SOX5: variants seen among roughly 807,000 people sequenced by gnomAD.
The protein encoded by SOX5 is transcription factor SOX-5.
A neutral mutation model predicts 92.0 loss-of-function variants in SOX5; 9 were observed. That is an observed-to-expected ratio of 0.10 (90% CI 0.06 to 0.17). The LOEUF (loss-of-function observed/expected upper bound fraction) is 0.17. SOX5 is among the 10% of genes least tolerant of loss of function. SOX5 has a pLI of 1.00. For missense variants in SOX5, 642 were observed against 944.5 expected (o/e 0.68, Z 4.20); for synonymous variants, 344 against 336.3 (o/e 1.02, Z -0.25).
intron 1 of SOX5, among the ~76,000 whole-genome samples, chr12:24,414,958 A>G (rs1379906972): frequency 5.3e-5 from 8 of 152,164 alleles, no homozygotes; most frequent in African/African-American, 1.9e-4. Flanking sequence ...TCTATAGCCA[A>G]TGCAAATTAT....
At chr12:23,806,945 C>G (rs1841662169) in intron 3 of SOX5, among the ~76,000 whole-genome samples, 1 of 152,110 alleles carries the variant, frequency 6.6e-6, no homozygotes, top group Non-Finnish European at 1.5e-5. Context: ...AATCTTTTCA[C>G]CTCCCTTTCA....
At chr12:24,255,363 A>C (rs1181491922) in intron 3 of SOX5, among the ~76,000 whole-genome samples, 1 of 152,188 alleles carries the variant, frequency 6.6e-6, no homozygotes, top group East Asian at 1.9e-4. Context: ...TATTGGGTCC[A>C]ACATAATTGA....
At position 24,198,129 on chromosome 12, in the gene SOX5, C is replaced by T. The variant is rs568574076; in HGVS notation, c.-2+15214G>A. Among the ~76,000 whole-genome samples the T allele has an allele frequency of 2.2e-4, 33 of 152,174 alleles. 1 individual carries two copies. The highest frequency in any genetic ancestry group is 7.9e-4 in the African/African-American group (33 of 41,526). ...TGCTACTCACACTATAAGAGAGCAG[C>T]CCATCCATCGTTCAAAACTAGGCAA... On this transcript the variant is annotated intron_variant, in intron 4 of 4. Coordinates refer to the SOX5 transcript ENST00000446891.
chr12:23,842,676 AATC>A (rs1259507412), intron 3 of SOX5, among the ~76,000 whole-genome samples: 8 of 152,210 alleles, frequency 5.3e-5, no homozygotes, highest in African/African-American at 1.4e-4. Context: ...TAATAATAAC[AATC>A]ATTACCACAA....
At chr12:23,861,020 G>A (rs2096751925) in intron 2 of SOX5, among the ~76,000 whole-genome samples, 1 of 142,010 alleles carries the variant, frequency 7.0e-6, no homozygotes, top group African/African-American at 2.6e-5. Flanking sequence ...TATAGAATAT[G>A]TCAAACAGAG....
chr12:24,040,986 G>A (rs1159214868), intron 4 of SOX5, among the ~76,000 whole-genome samples: 2 of 152,218 alleles, frequency 1.3e-5, no homozygotes, highest in African/African-American at 2.4e-5. Flanking sequence ...TGACTGGGGG[G>A]AAACACTTTA....
chr12:24,053,670 T>C (rs1357992907), intron 4 of SOX5, among the ~76,000 whole-genome samples: 1 of 152,236 alleles, frequency 6.6e-6, no homozygotes, highest in East Asian at 1.9e-4. Flanking sequence ...TTTCATTGTT[T>C]GCAAAGTGGG....
At chr12:24,158,304 C>A (rs2138943266) in intron 4 of SOX5, among the ~76,000 whole-genome samples, 1 of 151,980 alleles carries the variant, frequency 6.6e-6, no homozygotes, top group South Asian at 2.1e-4. Flanking sequence ...ATTGACAAAC[C>A]ATTAGTACTA....
intron 4 of SOX5, among the ~76,000 whole-genome samples, chr12:23,956,516 G>T (rs1403976687): frequency 6.6e-6 from 1 of 152,040 alleles, no homozygotes; most frequent in Non-Finnish European, 1.5e-5. Flanking sequence ...ATCTGAGGTG[G>T]AACCATTTAA....
At position 23,980,010 on chromosome 12, in the gene SOX5, T is replaced by C. The variant is rs1188063536; in HGVS notation, c.-1-83986A>G. On this transcript the variant is annotated intron_variant, in intron 4 of 4. Transcript: ENST00000446891. ...ATAGATAGTAGAGACAGAATCTCGC[T>C]ATATTGCCCAGGATGTTCTCAGACT... 2.0e-5 allele frequency among the ~76,000 whole-genome samples: 3 copies of C among 151,734 alleles called. No individual in the cohort carries two copies. The East Asian group carries it at 5.9e-4, about 30-fold the overall frequency.
At chr12:23,747,880 T>A (rs895149829) in intron 4 of SOX5, among the ~76,000 whole-genome samples, 23 of 151,902 alleles carry the variant, frequency 1.5e-4, no homozygotes, top group African/African-American at 5.3e-4. Flanking sequence ...CTCATACTGT[T>A]TTTAAGTGTT....
chr12:23,887,744 A>G (rs75217108), intron 2 of SOX5, among the ~76,000 whole-genome samples: 1,785 of 152,264 alleles, frequency 0.012, 19 homozygotes, highest in Non-Finnish European at 0.02. Context: ...TCTACATTTT[A>G]TATTAAAAGC....
chr12:24,057,646 A>T (rs951390692), intron 4 of SOX5, among the ~76,000 whole-genome samples: 1 of 152,234 alleles, frequency 6.6e-6, no homozygotes, highest in Non-Finnish European at 1.5e-5. Context: ...AACTTTCTTA[A>T]TTTTCTTCAA....
intron 1 of SOX5, among the ~76,000 whole-genome samples, chr12:24,370,016 C>T (rs527906452): frequency 2.6e-5 from 4 of 152,160 alleles, no homozygotes; most frequent in East Asian, 1.9e-4. Flanking sequence ...TCCCTATTCC[C>T]AATAATAGAT....
intron 4 of SOX5, among the ~76,000 whole-genome samples, chr12:24,016,504 A>G (rs1336884567): frequency 6.6e-6 from 1 of 152,140 alleles, no homozygotes; most frequent in African/African-American, 2.4e-5. Context: ...TTGGCCCTCA[A>G]CAACAACAAG....
At chr12:23,857,834 G>A (rs1263223763) in intron 2 of SOX5, among the ~76,000 whole-genome samples, 1 of 151,684 alleles carries the variant, frequency 6.6e-6, no homozygotes, top group East Asian at 2.0e-4. Flanking sequence ...CCAGGTTCAA[G>A]CGATTCTCCT....
At chr12:23,940,584 A>G (rs767358694) in intron 1 of SOX5, among the ~76,000 whole-genome samples, 1 of 151,444 alleles carries the variant, frequency 6.6e-6, no homozygotes, top group East Asian at 1.9e-4. Flanking sequence ...AGAGTCAAAG[A>G]GGTCTCAGTT....
At chr12:24,079,270 A>T (rs1943037619) in intron 4 of SOX5, among the ~76,000 whole-genome samples, 1 of 152,068 alleles carries the variant, frequency 6.6e-6, no homozygotes, top group Non-Finnish European at 1.5e-5. Flanking sequence ...CAGCCAGGTT[A>T]AATGACTTGC....
At chr12:24,136,640 G>A (rs1950135388) in intron 4 of SOX5, among the ~76,000 whole-genome samples, 1 of 152,172 alleles carries the variant, frequency 6.6e-6, no homozygotes, top group African/African-American at 2.4e-5. Flanking sequence ...GGAAGGTGGG[G>A]AGGGCAGTCT....
Sources: gnomAD v4.1 joint callset for allele counts (sites outside exome capture counted in the v4.1 genomes callset) on GRCh38, gnomAD v4.1.1 for gene constraint, MANE v1.5 for transcripts, NCBI Gene and HGNC (gene_info 2026-07-23, HGNC 2026-07-21) for gene names.